DCC: variants seen among roughly 807,000 people sequenced by gnomAD.
DCC encodes the protein netrin receptor DCC.
In DCC, 58 loss-of-function variants were observed where a neutral mutation model predicts 172.5. The ratio of observed to expected loss-of-function variants is 0.34; its 90% CI spans 0.27 to 0.42. The LOEUF (loss-of-function observed/expected upper bound fraction) is 0.42, where lower values mean the gene tolerates loss of function less well. Ranked by LOEUF, DCC falls within the 10% of genes least tolerant of loss-of-function variation. The pLI is 1.00. For synonymous variants in DCC, 709 were observed against 644.5 expected (o/e 1.10, Z -1.52); for missense variants, 1,740 against 1,791.0 (o/e 0.97, Z 0.51).
chr18:52,768,369 A>G (rs1162650923), intron 2 of DCC, among the ~76,000 whole-genome samples: 1 of 152,130 alleles, frequency 6.6e-6, no homozygotes, highest in Non-Finnish European at 1.5e-5. Context: ...AGGCTTACCT[A>G]TGGTAAATCG....
chr18:52,721,054 G>A (rs916248178), intron 1 of DCC, among the ~76,000 whole-genome samples: 6 of 152,170 alleles, frequency 3.9e-5, no homozygotes, highest in East Asian at 1.9e-4. Context: ...TTAAAAAGAT[G>A]TGCAGTGTAT....
intron 1 of DCC, among the ~76,000 whole-genome samples, chr18:52,724,261 C>T (rs2036518142): frequency 6.6e-6 from 1 of 152,156 alleles, no homozygotes; most frequent in African/African-American, 2.4e-5. Flanking sequence ...ATCCTCCTGC[C>T]TCAGCCTCCT....
intron 12 of DCC, among the ~76,000 whole-genome samples, chr18:53,230,936 G>C (rs1236737367): frequency 3.3e-5 from 5 of 151,952 alleles, no homozygotes; most frequent in African/African-American, 9.7e-5. Context: ...ACTTTTCCTT[G>C]GGGTATTATG....
intron 8 of DCC, among the ~76,000 whole-genome samples, chr18:53,160,649 C>T (rs2054822681): frequency 6.6e-6 from 1 of 152,128 alleles, no homozygotes; most frequent in African/African-American, 2.4e-5. Flanking sequence ...CTCCTGTTGC[C>T]CATTAATGCT....
At chr18:53,104,722 G>A (rs2043220297) in intron 7 of DCC, among the ~76,000 whole-genome samples, 2 of 152,036 alleles carry the variant, frequency 1.3e-5, no homozygotes, top group South Asian at 4.1e-4. Context: ...AAATTAATAT[G>A]GATTAATTAA....
intron 1 of DCC, among the ~76,000 whole-genome samples, chr18:52,562,586 A>G: frequency 6.6e-6 from 1 of 152,076 alleles, no homozygotes; most frequent in East Asian, 1.9e-4. Context: ...TTTCCTTTTC[A>G]CCTTTTTGTG....
At chr18:53,006,168 C>T (rs74364275) in intron 5 of DCC, among the ~76,000 whole-genome samples, 1 of 152,270 alleles carries the variant, frequency 6.6e-6, no homozygotes, top group Admixed American at 6.5e-5. Flanking sequence ...ATTTTGCTGA[C>T]ATAAAGATCA....
chr18:52,956,315 CTG>C (rs2040741963), intron 5 of DCC, among the ~76,000 whole-genome samples: 1 of 151,940 alleles, frequency 6.6e-6, no homozygotes, highest in South Asian at 2.1e-4. Flanking sequence ...GTTGAAAAGA[CTG>C]TCTTTGCTCC....
At chr18:53,031,679 A>G (rs964000849) in intron 5 of DCC, among the ~76,000 whole-genome samples, 1 of 152,198 alleles carries the variant, frequency 6.6e-6, no homozygotes, top group Non-Finnish European at 1.5e-5. Context: ...ATTAGGGTTC[A>G]TCAAAATTAT....
At chr18:52,975,068 C>T (rs2041095033) in intron 5 of DCC, among the ~76,000 whole-genome samples, 1 of 152,168 alleles carries the variant, frequency 6.6e-6, no homozygotes, top group Non-Finnish European at 1.5e-5. Flanking sequence ...TTCCTTCAAG[C>T]CATCATTGTT....
intron 9 of DCC, among the ~76,000 whole-genome samples, chr18:53,193,092 T>C (rs2055390697): frequency 6.6e-6 from 1 of 152,218 alleles, no homozygotes; most frequent in Admixed American, 6.5e-5. Context: ...TATGGAATAT[T>C]CTACCAATTG....
At chr18:52,383,444 G>T (rs2144329439) in intron 1 of DCC, among the ~76,000 whole-genome samples, 1 of 152,010 alleles carries the variant, frequency 6.6e-6, no homozygotes, top group African/African-American at 2.4e-5. Flanking sequence ...TGATTTTCCA[G>T]TCTTCTTCCA....
intron 15 of DCC, among the ~76,000 whole-genome samples, chr18:53,355,600 C>T (rs144740731): frequency 7.2e-5 from 11 of 152,112 alleles, no homozygotes; most frequent in East Asian, 5.8e-4. Context: ...AGAATGCTCG[C>T]GATTTTTGCA....
At position 52,927,322 on chromosome 18, in the gene DCC, T is replaced by G. The variant is rs193064418; in HGVS notation, c.985+1952T>G. On this transcript the variant is annotated intron_variant, in intron 5 of 28. Transcript: ENST00000442544. ...GCATACTCATACTGGCATTTTTTCT[T>G]TGTGAATTGTGTAAATTACAAAATA... Among the ~76,000 whole-genome samples the G allele has an allele frequency of 2.1e-3, 313 of 151,398 alleles. 2 individuals carry two copies. Among genetic ancestry groups the G allele is most frequent in the African/African-American group, 7.2e-3 (297 of 41,390 alleles).
chr18:53,188,797 G>A (rs2055324662), intron 9 of DCC, among the ~76,000 whole-genome samples: 2 of 152,028 alleles, frequency 1.3e-5, no homozygotes, highest in Non-Finnish European at 2.9e-5. Context: ...CCTAGCTTCT[G>A]GTGGCTTCTG....
intron 7 of DCC, among the ~76,000 whole-genome samples, chr18:53,131,278 G>A (rs1347816339): frequency 1.3e-5 from 2 of 151,900 alleles, no homozygotes; most frequent in Non-Finnish European, 2.9e-5. Context: ...CTCAAGAAGG[G>A]CTTTGAAAAC....
At chr18:53,244,936 C>A (rs1318167906) in intron 12 of DCC, among the ~76,000 whole-genome samples, 1 of 152,096 alleles carries the variant, frequency 6.6e-6, no homozygotes, top group Non-Finnish European at 1.5e-5. Flanking sequence ...TATATCCTAT[C>A]ATTTTAAATG....
At chr18:53,073,381 C>T (rs60638615) in intron 7 of DCC, among the ~76,000 whole-genome samples, 24,054 of 151,768 alleles carry the variant, frequency 0.16, 2,361 homozygotes, top group African/African-American at 0.27. Flanking sequence ...AAAAGTTAGC[C>T]GGGCGTGGTG....
intron 1 of DCC, among the ~76,000 whole-genome samples, chr18:52,348,582 G>A (rs1983981074): frequency 6.6e-6 from 1 of 152,086 alleles, no homozygotes; most frequent in African/African-American, 2.4e-5. Context: ...TTAGCTATTT[G>A]TGATGTCAGC....
Sources: allele counts gnomAD v4.1 joint callset (sites outside exome capture counted in the v4.1 genomes callset), GRCh38; gene constraint gnomAD v4.1.1; transcripts MANE v1.5; gene names NCBI Gene and HGNC (gene_info 2026-07-23, HGNC 2026-07-21).